Variants in JAK2 observed in about 807,000 individuals in gnomAD.
The protein encoded by JAK2 is tyrosine-protein kinase JAK2.
In JAK2, 86 loss-of-function variants were observed where a neutral mutation model predicts 139.3. The ratio of observed to expected loss-of-function variants is 0.62; its 90% CI spans 0.52 to 0.74. The LOEUF is 0.74. JAK2 is among the 30% of genes least tolerant of loss of function. The pLI, the probability that JAK2 is intolerant of heterozygous loss-of-function variation, is 0.00. For synonymous variants in JAK2, 490 were observed against 437.7 expected (o/e 1.12, Z -1.49); for missense variants, 1,421 against 1,360.3 (o/e 1.04, Z -0.70).
intron 9 of JAK2, among the ~76,000 whole-genome samples, chr9:5,065,411 CCTT>C (rs1427571441): frequency 6.6e-6 from 1 of 152,134 alleles, no homozygotes; most frequent in African/African-American, 2.4e-5. Flanking sequence ...TAGTCCATCT[CCTT>C]CTACTGAAAG....
intron 22 of JAK2, among the ~76,000 whole-genome samples, chr9:5,103,869 C>A (rs551623514): frequency 1.3e-5 from 2 of 151,964 alleles, no homozygotes; most frequent in African/African-American, 4.8e-5. Context: ...TTGAAACCAA[C>A]GAGAACAAAG....
chr9:5,020,391 G>C (rs904022364), intron 2 of JAK2, among the ~76,000 whole-genome samples: 3 of 152,178 alleles, frequency 2.0e-5, no homozygotes, highest in Non-Finnish European at 4.4e-5. Flanking sequence ...GGCAGGGTGA[G>C]AGTATCCTCA....
At chr9:5,112,288 C>T (rs3780378) in intron 22 of JAK2, 128,982 of 257,364 alleles carry the variant, frequency 0.5, 33,071 homozygotes, top group South Asian at 0.51. Flanking sequence ...GCCTCATGCA[C>T]ATCCATGTTG....
chr9:5,105,264 AACAG>A (rs1195010176), intron 22 of JAK2, among the ~76,000 whole-genome samples: 2 of 152,230 alleles, frequency 1.3e-5, no homozygotes, highest in African/African-American at 4.8e-5. Context: ...ATACACCCAT[AACAG>A]ACAAACATAC....
intron 2 of JAK2, among the ~76,000 whole-genome samples, chr9:5,013,556 G>C (rs1821842977): frequency 6.6e-6 from 1 of 152,160 alleles, no homozygotes; most frequent in Non-Finnish European, 1.5e-5. Context: ...AGCCAAACTT[G>C]TCTCTACTTT....
At chr9:5,041,890 G>A (rs1563949474) in intron 4 of JAK2, 6 of 419,970 alleles carry the variant, frequency 1.4e-5, no homozygotes, top group Non-Finnish European at 2.3e-5. Context: ...GCCCATCAGG[G>A]CGCCTGCAGA....
intron 20 of JAK2, 35 bp downstream of exon 20, chr9:5,089,898 G>C (rs1373299150): frequency 7.2e-7 from 1 of 1,390,356 alleles, no homozygotes; most frequent in Non-Finnish European, 9.5e-7. Flanking sequence ...TTAAATTCAA[G>C]GTATGTGTTT....
intron 6 of JAK2, among the ~76,000 whole-genome samples, chr9:5,053,982 A>C (rs988118446): frequency 6.6e-6 from 1 of 152,120 alleles, no homozygotes; most frequent in Non-Finnish European, 1.5e-5. Flanking sequence ...CTTCTTTAGA[A>C]TATTGTACAT....
chr9:5,047,681 C>T (rs1817108888), intron 5 of JAK2, among the ~76,000 whole-genome samples: 1 of 152,064 alleles, frequency 6.6e-6, no homozygotes, highest in African/African-American at 2.4e-5. Flanking sequence ...GATTGAACTC[C>T]TGGGCTCCAG....
Position 5,066,729 on chromosome 9 carries a change from G to A in JAK2, c.1266G>A (p.Leu422=), listed in dbSNP as rs771401095. ...KLKKAGNQTG[L]YVLRCSPKDF... ...AGAAAGCAGGTAATCAGACTGGACT[G>A]TATGTACTTCGATGCAGTCCTAAGG... The change falls in exon 10 of 25, where the codon CTG becomes CTA. Residue 422 remains leucine, a synonymous_variant. Coordinates refer to ENST00000381652, the MANE Select transcript of JAK2 (RefSeq NM_004972.4). 41 of 1,607,728 alleles carry A rather than the reference G, an allele frequency of 2.6e-5. No individual in the cohort carries two copies. The highest frequency in any genetic ancestry group is 3.4e-5 in the Admixed American group (2 of 59,066).
chr9:5,041,622 C>T (rs1037531154), intron 4 of JAK2: 4 of 496,934 alleles, frequency 8.0e-6, no homozygotes, highest in Admixed American at 4.7e-5. Context: ...CTACATGCGG[C>T]GCCTGGACTT....
intron 8 of JAK2, among the ~76,000 whole-genome samples, chr9:5,057,921 C>G (rs1012959847): frequency 1.3e-5 from 2 of 152,040 alleles, no homozygotes; most frequent in Non-Finnish European, 2.9e-5. Context: ...ACTCTAGATA[C>G]CTCATAAAAG....
chr9:5,004,600 G>C (rs1449311852), intron 2 of JAK2, among the ~76,000 whole-genome samples: 1 of 152,144 alleles, frequency 6.6e-6, no homozygotes, highest in Non-Finnish European at 1.5e-5. Context: ...ATGAGCATGG[G>C]AGTGTAGATA....
chr9:5,110,633 TAA>T (rs1016002469), intron 22 of JAK2: 1 of 217,008 alleles, frequency 4.6e-6, no homozygotes, highest in Non-Finnish European at 9.3e-6. Flanking sequence ...GCTTTTACTC[TAA>T]AGACCTTATT....
intron 3 of JAK2, among the ~76,000 whole-genome samples, chr9:5,022,666 C>T (rs1189197565): frequency 6.6e-6 from 1 of 152,152 alleles, no homozygotes; most frequent in African/African-American, 2.4e-5. Flanking sequence ...ATATATATTT[C>T]TTATGTCTTT....
At chr9:5,057,763 A>G (rs1346536179) in intron 8 of JAK2, among the ~76,000 whole-genome samples, 1 of 151,704 alleles carries the variant, frequency 6.6e-6, no homozygotes, top group African/African-American at 2.4e-5. Context: ...TTGTATCTTT[A>G]GTAGAGACGG....
At chr9:5,122,709 A>G (rs1294801700) in intron 22 of JAK2, among the ~76,000 whole-genome samples, 3 of 152,086 alleles carry the variant, frequency 2.0e-5, no homozygotes, top group Middle Eastern at 3.4e-3. Context: ...CCTGGCACAT[A>G]CTAAAGTTAC....
intron 5 of JAK2, 117 bp from the exon 6 acceptor site, chr9:5,050,569 C>A: frequency 1.9e-6 from 2 of 1,075,518 alleles, no homozygotes; most frequent in East Asian, 2.6e-5. Context: ...CTGAGCCTGG[C>A]CAATTTGTAT....
chr9:5,015,283 A>T (rs775358124), intron 2 of JAK2, among the ~76,000 whole-genome samples: 4 of 152,226 alleles, frequency 2.6e-5, no homozygotes, highest in Non-Finnish European at 5.9e-5. Context: ...TTGTAACTAG[A>T]CGTAGAATTG....
Sources: allele counts gnomAD v4.1 joint callset (sites outside exome capture counted in the v4.1 genomes callset), GRCh38; gene constraint gnomAD v4.1.1; transcripts MANE v1.5; gene names NCBI Gene and HGNC (gene_info 2026-07-23, HGNC 2026-07-21).